Variants in CSMD1 observed in about 807,000 individuals in gnomAD.
CSMD1 encodes CUB and sushi domain-containing protein 1.
A neutral mutation model predicts 417.5 loss-of-function variants in CSMD1; 213 were observed. The observed-to-expected ratio is 0.51, with a 90% CI of 0.46 to 0.57. The LOEUF (loss-of-function observed/expected upper bound fraction) is 0.57, where lower values mean the gene tolerates loss of function less well. Among genes scored for constraint, CSMD1 ranks in the 20% least tolerant of loss-of-function variants. The pLI is 0.00. For missense variants in CSMD1, 6,923 were observed against 4,529.7 expected (o/e 1.53, Z -15.17); for synonymous variants, 2,862 against 1,736.8 (o/e 1.65, Z -16.11).
intron 6 of CSMD1, among the ~76,000 whole-genome samples, chr8:3,722,468 G>C (rs942361843): frequency 2.0e-5 from 3 of 152,146 alleles, no homozygotes; most frequent in Non-Finnish European, 4.4e-5. Flanking sequence ...CCCAACCTCA[G>C]ACAGATCTGA....
intron 9 of CSMD1, among the ~76,000 whole-genome samples, chr8:3,585,544 T>C (rs1287640488): frequency 1.3e-5 from 2 of 152,204 alleles, no homozygotes; most frequent in Non-Finnish European, 2.9e-5. Flanking sequence ...TGGTAAGAAT[T>C]TGTGTATACT....
intron 1 of CSMD1, among the ~76,000 whole-genome samples, chr8:4,650,556 A>ACATGCAGACAATGT (rs371347875): frequency 1.9e-4 from 29 of 152,204 alleles, no homozygotes; most frequent in African/African-American, 6.7e-4. Flanking sequence ...TTCTGCAGAA[A>ACATGCAGACAATGT]CAACGCATGA....
chr8:4,148,319 G>A (rs915597402), intron 3 of CSMD1, among the ~76,000 whole-genome samples: 4 of 140,290 alleles, frequency 2.9e-5, no homozygotes, highest in African/African-American at 1.1e-4. Flanking sequence ...ATTGAACAAT[G>A]AGAACACATA....
intron 7 of CSMD1, among the ~76,000 whole-genome samples, chr8:3,694,912 C>T (rs79961260): frequency 0.019 from 2,960 of 152,012 alleles, 88 homozygotes; most frequent in African/African-American, 0.064. Context: ...GGAAATCGCA[C>T]ATCATTAGCA....
intron 26 of CSMD1, among the ~76,000 whole-genome samples, chr8:3,256,793 C>A (rs1288560293): frequency 6.6e-6 from 1 of 152,184 alleles, no homozygotes; most frequent in East Asian, 1.9e-4. Context: ...CCAAAGGCAT[C>A]TTTTCTTGTA....
intron 49 of CSMD1, among the ~76,000 whole-genome samples, chr8:3,058,361 G>C (rs576383836): frequency 3.9e-5 from 6 of 152,214 alleles, no homozygotes; most frequent in African/African-American, 1.4e-4. Context: ...CAGAATATTA[G>C]ACCCGTATTT....
chr8:3,482,668 C>G (rs1388702832), intron 11 of CSMD1, among the ~76,000 whole-genome samples: 1 of 152,132 alleles, frequency 6.6e-6, no homozygotes, highest in African/African-American at 2.4e-5. Flanking sequence ...ACTCTCAACT[C>G]AATACACATG....
chr8:4,440,399 C>T (rs759530757), intron 2 of CSMD1, among the ~76,000 whole-genome samples: 1 of 152,094 alleles, frequency 6.6e-6, no homozygotes, highest in Non-Finnish European at 1.5e-5. Context: ...GGATTGCTCT[C>T]ACTCACACCT....
chr8:4,358,736 A>G (rs544915244), intron 3 of CSMD1, among the ~76,000 whole-genome samples: 14 of 149,934 alleles, frequency 9.3e-5, no homozygotes, highest in African/African-American at 2.9e-4. Context: ...ATCTCTCAAG[A>G]TAAGTGTATA....
intron 3 of CSMD1, among the ~76,000 whole-genome samples, chr8:4,092,025 C>G (rs991665392): frequency 2.6e-5 from 4 of 152,072 alleles, no homozygotes; most frequent in Non-Finnish European, 5.9e-5. Context: ...TATTACGTAG[C>G]ACATATCACA....
At chr8:4,360,588 C>G (rs993155230) in intron 3 of CSMD1, among the ~76,000 whole-genome samples, 1 of 152,266 alleles carries the variant, frequency 6.6e-6, no homozygotes, top group Middle Eastern at 3.4e-3. Flanking sequence ...CTCCCAGGTT[C>G]ACGTCATTCT....
chr8:4,293,178 C>T (rs910905790), intron 3 of CSMD1, among the ~76,000 whole-genome samples: 7 of 152,018 alleles, frequency 4.6e-5, no homozygotes, highest in African/African-American at 1.7e-4. Context: ...GAGGACTGAA[C>T]CTCCCTGGCA....
At chr8:4,766,623 A>T (rs576778876) in intron 1 of CSMD1, among the ~76,000 whole-genome samples, 108 of 152,332 alleles carry the variant, frequency 7.1e-4, no homozygotes, top group African/African-American at 2.4e-3. Flanking sequence ...TGAAAAAGCA[A>T]CAAAATCAAT....
intron 1 of CSMD1, among the ~76,000 whole-genome samples, chr8:4,903,405 C>A (rs1805028016): frequency 6.6e-6 from 1 of 152,070 alleles, no homozygotes; most frequent in Non-Finnish European, 1.5e-5. Context: ...AAACGAAGTC[C>A]AAGCAGTTGA....
At chr8:4,712,715 T>C (rs1383383931) in intron 1 of CSMD1, among the ~76,000 whole-genome samples, 5 of 152,220 alleles carry the variant, frequency 3.3e-5, no homozygotes, top group African/African-American at 9.6e-5. Flanking sequence ...TTTTTTTCTC[T>C]CTCTCTTTTT....
At chr8:4,956,920 T>C (rs74672140) in intron 1 of CSMD1, among the ~76,000 whole-genome samples, 17,241 of 152,074 alleles carry the variant, frequency 0.11, 1,767 homozygotes, top group African/African-American at 0.28. Context: ...TTTGTCCACA[T>C]TCAATTGCAC....
intron 18 of CSMD1, among the ~76,000 whole-genome samples, chr8:3,375,378 G>A (rs1004260458): frequency 4.6e-5 from 7 of 152,004 alleles, no homozygotes; most frequent in Non-Finnish European, 5.9e-5. Flanking sequence ...CCTTGGGCCT[G>A]ATCTGTTTCC....
chr8:3,463,745 G>T (rs551693656), intron 12 of CSMD1, among the ~76,000 whole-genome samples: 3 of 152,136 alleles, frequency 2.0e-5, no homozygotes, highest in Non-Finnish European at 4.4e-5. Flanking sequence ...GTACAACCAC[G>T]CAAGACGAGA....
chr8:3,899,538 C>T (rs1413747083), intron 5 of CSMD1, among the ~76,000 whole-genome samples: 1 of 152,116 alleles, frequency 6.6e-6, no homozygotes, highest in Non-Finnish European at 1.5e-5. Context: ...AGTGGAAAAA[C>T]ATCTAAGGAC....
Sources: allele counts gnomAD v4.1 joint callset (sites outside exome capture counted in the v4.1 genomes callset), GRCh38; gene constraint gnomAD v4.1.1; transcripts MANE v1.5; gene names NCBI Gene and HGNC (gene_info 2026-07-23, HGNC 2026-07-21).